Variants in POMK observed in about 807,000 individuals in gnomAD.
POMK encodes the protein Sugen kinase 196.
A neutral mutation model predicts 23.0 loss-of-function variants in POMK; 19 were observed. The ratio of observed to expected loss-of-function variants is 0.83; its 90% CI spans 0.58 to 1.21. The LOEUF is 1.21. POMK is among the 50% of genes most tolerant of loss of function. The pLI, the probability that POMK is intolerant of heterozygous loss-of-function variation, is 0.00. For synonymous variants in POMK, 173 were observed against 171.6 expected, an observed-to-expected ratio of 1.01 and a Z score of -0.06; for missense variants, 410 against 431.3, an observed-to-expected ratio of 0.95 and a Z score of 0.44.
intron 4 of POMK, among the ~76,000 whole-genome samples, chr8:43,115,128 T>A (rs1425628110): frequency 3.9e-5 from 6 of 152,232 alleles, no homozygotes. Flanking sequence ...GAGGCTATAT[T>A]TAATGCTTAC....
At chr8:43,112,306 A>G (rs963975063) in intron 4 of POMK, among the ~76,000 whole-genome samples, 12 of 152,360 alleles carry the variant, frequency 7.9e-5, no homozygotes, top group African/African-American at 2.4e-4. Flanking sequence ...CAACTGGAAG[A>G]TAGGGTATCA....
At chr8:43,096,025 C>T (rs535459012) in intron 1 of POMK, among the ~76,000 whole-genome samples, 1 of 152,064 alleles carries the variant, frequency 6.6e-6, no homozygotes, top group African/African-American at 2.4e-5. Flanking sequence ...GCAGCCTGTG[C>T]GGCTGAGGCC....
chr8:43,119,159 C>T (rs1811859966), intron 4 of POMK, among the ~76,000 whole-genome samples: 1 of 152,152 alleles, frequency 6.6e-6, no homozygotes, highest in Admixed American at 6.5e-5. Flanking sequence ...AAGCCAGCAT[C>T]GTTTTTAGGT....
chr8:43,116,350 G>T (rs1811798720), intron 4 of POMK, among the ~76,000 whole-genome samples: 1 of 152,114 alleles, frequency 6.6e-6, no homozygotes, highest in Non-Finnish European at 1.5e-5. Flanking sequence ...ATAGCTTATT[G>T]CAACCTCAAA....
At chr8:43,098,472 A>G (rs1811376865) in intron 2 of POMK, among the ~76,000 whole-genome samples, 1 of 152,232 alleles carries the variant, frequency 6.6e-6, no homozygotes, top group South Asian at 2.1e-4. Flanking sequence ...TGGCTGAATA[A>G]TATTCCATTT....
intron 4 of POMK, among the ~76,000 whole-genome samples, chr8:43,119,027 G>A (rs1811857064): frequency 6.6e-6 from 1 of 152,134 alleles, no homozygotes. Flanking sequence ...TAGCCAGGAT[G>A]GTCTTGATCT....
chr8:43,100,475 G>T (rs978091968), intron 2 of POMK, among the ~76,000 whole-genome samples: 2 of 151,828 alleles, frequency 1.3e-5, no homozygotes, highest in Non-Finnish European at 2.9e-5. Context: ...CTGAGGCCTC[G>T]TGTGTGGTGA....
Position 43,123,172 on chromosome 8 carries a change from T to G in POMK, c.*295T>G. ...CCCAGGTTCAAGCAATTCTCCCACCTCAGCCTCCTGAGTAGCTGGGATTAC... is the reference window on the plus strand; with the variant it reads ...CCCAGGTTCAAGCAATTCTCCCACCGCAGCCTCCTGAGTAGCTGGGATTAC... On this transcript the variant is annotated 3_prime_UTR_variant, in exon 5 of 5. Coordinates refer to ENST00000331373, the MANE Select transcript of POMK (RefSeq NM_032237.5). 1 of 259,480 alleles carries G rather than the reference T, an allele frequency of 3.9e-6. No individual in the cohort carries two copies. Among genetic ancestry groups the G allele is most frequent in the South Asian group, 6.5e-5 (1 of 15,382 alleles). The allele number at this position is 259,480 out of a possible 1,614,324, so 16.1% of individuals were successfully genotyped here.
At chr8:43,120,270 G>A (rs1163317724) in intron 4 of POMK, among the ~76,000 whole-genome samples, 1 of 151,330 alleles carries the variant, frequency 6.6e-6, no homozygotes, top group Non-Finnish European at 1.5e-5. Context: ...GGAGTGCAAT[G>A]GTGTGATCTT....
At chr8:43,107,069 G>T (rs1007149445) in intron 4 of POMK, among the ~76,000 whole-genome samples, 1 of 152,110 alleles carries the variant, frequency 6.6e-6, no homozygotes, top group Non-Finnish European at 1.5e-5. Context: ...TTTTAGTACA[G>T]CATTTAAACA....
At chr8:43,112,130 G>A (rs1159806510) in intron 4 of POMK, among the ~76,000 whole-genome samples, 1 of 152,102 alleles carries the variant, frequency 6.6e-6, no homozygotes, top group Non-Finnish European at 1.5e-5. Flanking sequence ...AGCTAAAGGA[G>A]GAAGTTCGAA....
chr8:43,114,629 C>G (rs1380067190), intron 4 of POMK, among the ~76,000 whole-genome samples: 1 of 152,250 alleles, frequency 6.6e-6, no homozygotes, highest in Non-Finnish European at 1.5e-5. Flanking sequence ...GTCCTGCACC[C>G]ACTGTCTGGC....
At chr8:43,113,637 T>A (rs972559108) in intron 4 of POMK, among the ~76,000 whole-genome samples, 11 of 152,340 alleles carry the variant, frequency 7.2e-5, no homozygotes, top group Non-Finnish European at 1.2e-4. Context: ...GTCCAGCTTT[T>A]TTCCGTTGCT....
At chr8:43,108,416 T>C (rs1236428863) in intron 4 of POMK, among the ~76,000 whole-genome samples, 1 of 152,168 alleles carries the variant, frequency 6.6e-6, no homozygotes, top group African/African-American at 2.4e-5. Context: ...TTGCCATAAA[T>C]TAAGAATACT....
intron 4 of POMK, among the ~76,000 whole-genome samples, chr8:43,107,413 C>T (rs543748474): frequency 1.0e-3 from 155 of 152,292 alleles, no homozygotes; most frequent in Admixed American, 9.5e-3. Context: ...CTTGCTCTGT[C>T]GCCCAGGCTG....
chr8:43,118,100 C>T (rs1030577446), intron 4 of POMK, among the ~76,000 whole-genome samples: 8 of 152,060 alleles, frequency 5.3e-5, no homozygotes, highest in African/African-American at 1.4e-4. Context: ...AGCATCAATT[C>T]CAAATTCCTG....
intron 1 of POMK, among the ~76,000 whole-genome samples, chr8:43,095,127 T>C (rs1399402442): frequency 6.6e-6 from 1 of 152,212 alleles, no homozygotes; most frequent in Non-Finnish European, 1.5e-5. Context: ...ACGCTGGGTT[T>C]GATTTAGTTC....
chr8:43,114,812 C>T (rs1811760245), intron 4 of POMK, among the ~76,000 whole-genome samples: 1 of 152,182 alleles, frequency 6.6e-6, no homozygotes, highest in Non-Finnish European at 1.5e-5. Flanking sequence ...CAGTTGTGCA[C>T]TCTCCCAGTC....
intron 4 of POMK, among the ~76,000 whole-genome samples, chr8:43,119,056 C>T (rs1811857727): frequency 6.6e-6 from 1 of 152,114 alleles, no homozygotes; most frequent in Non-Finnish European, 1.5e-5. Flanking sequence ...CGTGATCCAC[C>T]CGCCTCGGCC....
Sources: allele counts gnomAD v4.1 joint callset (sites outside exome capture counted in the v4.1 genomes callset), GRCh38; gene constraint gnomAD v4.1.1; transcripts MANE v1.5; gene names NCBI Gene and HGNC (gene_info 2026-07-23, HGNC 2026-07-21).